Variants in UNC13B observed in about 807,000 individuals in gnomAD.
UNC13B encodes unc-13 homolog B.
In UNC13B, 144 loss-of-function variants were observed where a neutral mutation model predicts 211.0. That is an observed-to-expected ratio of 0.68 (90% CI 0.60 to 0.78). UNC13B has a LOEUF of 0.78. UNC13B is among the 30% of genes least tolerant of loss of function. The pLI, the probability that UNC13B is intolerant of heterozygous loss-of-function variation, is 0.00. For synonymous variants in UNC13B, 709 were observed against 725.8 expected (o/e 0.98, Z 0.37); for missense variants, 1,777 against 2,002.0 (o/e 0.89, Z 2.14).
chr9:35,375,597 A>G (rs969615418), intron 14 of UNC13B, among the ~76,000 whole-genome samples: 8 of 152,222 alleles, frequency 5.3e-5, no homozygotes, highest in Non-Finnish European at 1.0e-4. Context: ...GGGCCAGGAT[A>G]GAGCATCTTC....
At chr9:35,276,001 A>G (rs1041181275) in intron 7 of UNC13B, among the ~76,000 whole-genome samples, 5 of 152,078 alleles carry the variant, frequency 3.3e-5, no homozygotes, top group Admixed American at 2.0e-4. Context: ...CTCTGTTCTA[A>G]GGATTTATTT....
chr9:35,180,780 G>A (rs1821893827), intron 1 of UNC13B, among the ~76,000 whole-genome samples: 1 of 152,046 alleles, frequency 6.6e-6, no homozygotes, highest in African/African-American at 2.4e-5. Context: ...AATTAAGTGG[G>A]TGACCAGCGT....
At chr9:35,384,700 G>A (rs761615137) in intron 22 of UNC13B, 47 of 985,274 alleles carry the variant, frequency 4.8e-5, no homozygotes, top group Admixed American at 1.2e-4. Context: ...TTCCAGCGGA[G>A]GTGTGAGAAT....
chr9:35,395,008 C>G (rs1347113893), intron 26 of UNC13B, among the ~76,000 whole-genome samples: 1 of 152,092 alleles, frequency 6.6e-6, no homozygotes, highest in Non-Finnish European at 1.5e-5. Flanking sequence ...GAGTGATGGG[C>G]AGTCCTGCTT....
chr9:35,253,149 A>T (rs552209105), intron 6 of UNC13B, among the ~76,000 whole-genome samples: 18 of 152,156 alleles, frequency 1.2e-4, no homozygotes, highest in Middle Eastern at 6.8e-3. Context: ...CATTGCAATC[A>T]TTCTTTTTTG....
intron 5 of UNC13B, among the ~76,000 whole-genome samples, chr9:35,239,333 G>A (rs1587441287): frequency 6.6e-6 from 1 of 152,250 alleles, no homozygotes; most frequent in South Asian, 2.1e-4. Context: ...CATGTCGGCA[G>A]GTTCTGTGAT....
chr9:35,314,195 G>A (rs750257324), intron 11 of UNC13B, among the ~76,000 whole-genome samples: 14 of 152,138 alleles, frequency 9.2e-5, no homozygotes, highest in African/African-American at 1.9e-4. Context: ...AGACCTAGTG[G>A]GCTGAGAGCC....
At chr9:35,185,109 A>G (rs368997528) in intron 1 of UNC13B, among the ~76,000 whole-genome samples, 5 of 152,184 alleles carry the variant, frequency 3.3e-5, no homozygotes, top group East Asian at 3.9e-4. Flanking sequence ...TTATTTATTT[A>G]CTTTTCCTAA....
At chr9:35,384,739 T>C (rs1196041586) in intron 22 of UNC13B, 26 of 984,542 alleles carry the variant, frequency 2.6e-5, no homozygotes, top group Non-Finnish European at 3.0e-5. Flanking sequence ...GTAGCTTGGC[T>C]TTTGCAAGTA....
intron 7 of UNC13B, among the ~76,000 whole-genome samples, chr9:35,291,871 T>G (rs1253404749): frequency 6.6e-6 from 1 of 152,158 alleles, no homozygotes; most frequent in Admixed American, 6.5e-5. Context: ...TTTCTGTGAT[T>G]TGAATCCTGA....
chr9:35,225,227 C>A (rs1186610798), intron 1 of UNC13B, among the ~76,000 whole-genome samples: 1 of 152,142 alleles, frequency 6.6e-6, no homozygotes, highest in Non-Finnish European at 1.5e-5. Context: ...GTGGTGCTAT[C>A]TCAGCTCACT....
chr9:35,347,449 C>T (rs1832432049), intron 11 of UNC13B, among the ~76,000 whole-genome samples: 1 of 152,164 alleles, frequency 6.6e-6, no homozygotes, highest in East Asian at 1.9e-4. Context: ...TGAATTGGGC[C>T]TCCTGTCCCT....
At chr9:35,230,534 A>G (rs1405404326) in intron 2 of UNC13B, among the ~76,000 whole-genome samples, 1 of 151,296 alleles carries the variant, frequency 6.6e-6, no homozygotes, top group Non-Finnish European at 1.5e-5. Flanking sequence ...CAAACTGAGT[A>G]GATCGAGCTT....
chr9:35,236,582 A>T lies in UNC13B; in HGVS notation c.266A>T (p.Asp89Val), dbSNP rs759748590. ...WIALKTIRQSDEEGPGEWSTL... is the reference protein window; with the variant it reads ...WIALKTIRQSVEEGPGEWSTL... The stretch of plus-strand genomic sequence containing the variant: ...GCGCTGAAGACTATTCGTCAGTCGG[A>T]TGAGGTCAGTCATTGCATTTTCTGT... Residue 89 changes from aspartate to valine, a missense_variant, in exon 4 of 40, where the codon GAT becomes GTT. Asp to Val is a radical substitution (Grantham distance 152). Coordinates refer to ENST00000635942, the MANE Select transcript of UNC13B (RefSeq NM_001371189.2). The T allele has an allele frequency of 9.9e-6, 16 of 1,613,536 alleles. No homozygotes were observed. The highest frequency in any genetic ancestry group is 1.4e-5 in the Non-Finnish European group (16 of 1,179,626).
chr9:35,384,945 A>G (rs1316761235), intron 22 of UNC13B: 2 of 826,310 alleles, frequency 2.4e-6, no homozygotes, highest in Non-Finnish European at 2.9e-6. Context: ...CACATTAAAA[A>G]GTAAGTATAA....
chr9:35,378,312 C>T lies in UNC13B; in HGVS notation c.10081C>T (p.Leu3361=). The change falls in exon 17 of 40, where the codon CTA becomes TTA. Residue 3361 remains leucine, a synonymous_variant. Transcript: ENST00000635942. ...ITITVVCAQG[L]QAKDKTGSSD... ...GGTTGCAGTGGTGTGTGCCCAGGGC[C>T]TACAAGCCAAGGACAAAACAGGATC... is the stretch of plus-strand genomic sequence containing the variant. 6.2e-7 allele frequency: 1 copy of T among 1,614,144 alleles called. No individual in the cohort carries two copies. Among genetic ancestry groups the T allele is most frequent in the Non-Finnish European group, 8.5e-7 (1 of 1,180,032 alleles).
intron 1 of UNC13B, among the ~76,000 whole-genome samples, chr9:35,212,333 G>T (rs1274828733): frequency 6.6e-6 from 1 of 152,220 alleles, no homozygotes; most frequent in Non-Finnish European, 1.5e-5. Context: ...AGGACTTTGG[G>T]AGGCCGAGAT....
Position 35,214,667 on chromosome 9 carries a change from G to A in UNC13B, c.23-13348G>A, listed in dbSNP as rs560260060. On this transcript the variant is annotated intron_variant, in intron 1 of 39. Transcript: ENST00000635942. ...AACATAGTTAATAGAAGTTCTCTAGGGGGGAAAAAGGAGAGGAGAGGAGAG... is the reference window on the plus strand; with the variant it reads ...AACATAGTTAATAGAAGTTCTCTAGAGGGGAAAAAGGAGAGGAGAGGAGAG... 3.3e-5 allele frequency among the ~76,000 whole-genome samples: 5 copies of A among 152,158 alleles called. No homozygotes were observed. The South Asian group carries it at 1.0e-3, about 32-fold the overall frequency.
intron 1 of UNC13B, among the ~76,000 whole-genome samples, chr9:35,173,291 A>G (rs1318985142): frequency 6.6e-6 from 1 of 152,098 alleles, no homozygotes; most frequent in Admixed American, 6.5e-5. Context: ...CTTGCCAAGG[A>G]AAGGGGGGTA....
Sources: allele counts gnomAD v4.1 joint callset (sites outside exome capture counted in the v4.1 genomes callset), GRCh38; gene constraint gnomAD v4.1.1; transcripts MANE v1.5; gene names NCBI Gene and HGNC (gene_info 2026-07-23, HGNC 2026-07-21).